Variants in CLDN1 observed in about 807,000 individuals in gnomAD.
CLDN1 encodes claudin 1, also known as claudin-1.
A neutral mutation model predicts 22.6 loss-of-function variants in CLDN1; 12 were observed. That is an observed-to-expected ratio of 0.53 (90% CI 0.34 to 0.86). The LOEUF (loss-of-function observed/expected upper bound fraction) is 0.86. Ranked by LOEUF, CLDN1 falls within the 40% of genes least tolerant of loss-of-function variation. The probability of loss-of-function intolerance (pLI) is 0.02; values close to 1 mark genes in which losing one functional copy is unlikely to be tolerated. For missense variants in CLDN1, 250 were observed against 269.5 expected (o/e 0.93, Z 0.51); for synonymous variants, 99 against 103.8 (o/e 0.95, Z 0.28).
In CLDN1 at chr3:190,308,137, G is replaced by T; in HGVS notation, c.*140C>A. The T allele has an allele frequency of 3.9e-6, 4 of 1,026,252 alleles. No individual in the cohort carries two copies. In the South Asian group the frequency reaches 3.9e-5, roughly 10 times the overall value. 63.6% of individuals were successfully genotyped at this position (1,026,252 alleles called of 1,614,324 possible). ...TAGCACTGAGTATTTTAACACATGG[G>T]TTTTTTGTTTGTTTGTTTGTTTTGT... On this transcript the variant is annotated 3_prime_UTR_variant, in exon 4 of 4. Transcript: ENST00000295522.
intron 2 of CLDN1, among the ~76,000 whole-genome samples, chr3:190,312,509 C>T (rs959596312): frequency 2.0e-5 from 3 of 152,194 alleles, no homozygotes; most frequent in Non-Finnish European, 4.4e-5. Context: ...CTTGTGTTTT[C>T]TCTCACTACT....
In CLDN1 at chr3:190,312,769, T is replaced by G. The variant is rs1716656963; in HGVS notation, c.388+103A>C. On this transcript the variant is annotated intron_variant, in intron 2 of 3. Coordinates refer to ENST00000295522, the MANE Select transcript of CLDN1 (RefSeq NM_021101.5). ...GGACTTCAGGTCTATGTTTGCAGTT[T>G]GCCTTAGAGACTGAAATCAAGTATA... The G allele has an allele frequency of 2.3e-6, 3 of 1,299,492 alleles. No individual in the cohort carries two copies. The African/African-American group carries it at 4.4e-5, about 19-fold the overall frequency. 80.5% of individuals were successfully genotyped at this position (1,299,492 alleles called of 1,614,324 possible).
intron 1 of CLDN1, chr3:190,313,274 C>A: frequency 1.9e-6 from 1 of 513,854 alleles, no homozygotes; most frequent in Admixed American, 3.5e-5. Context: ...TTTTATGTTT[C>A]CAACATTAAA....
intron 1 of CLDN1, among the ~76,000 whole-genome samples, chr3:190,319,946 C>T (rs1247668191): frequency 2.0e-5 from 3 of 152,160 alleles, no homozygotes; most frequent in Non-Finnish European, 4.4e-5. Flanking sequence ...AAGGGTCCCT[C>T]TTCTGAGAAT....
chr3:190,310,673 CAA>C (rs1373430147), intron 2 of CLDN1, among the ~76,000 whole-genome samples: 1 of 152,118 alleles, frequency 6.6e-6, no homozygotes, highest in Non-Finnish European at 1.5e-5. Flanking sequence ...TGATCAAACT[CAA>C]AATTTACATT....
chr3:190,310,325 C>G, intron 2 of CLDN1, 72 bp from the exon 3 acceptor site: 1 of 1,162,928 alleles, frequency 8.6e-7, no homozygotes, highest in Non-Finnish European at 1.3e-6. Flanking sequence ...CCTGTTAAAC[C>G]AAAACATATT....
intron 1 of CLDN1, among the ~76,000 whole-genome samples, chr3:190,314,938 G>C (rs1381875372): frequency 6.6e-6 from 1 of 152,040 alleles, no homozygotes; most frequent in African/African-American, 2.4e-5. Context: ...CATGTTCCAC[G>C]GACCACAGGT....
At chr3:190,316,933 A>C (rs1359725631) in intron 1 of CLDN1, among the ~76,000 whole-genome samples, 3 of 152,226 alleles carry the variant, frequency 2.0e-5, no homozygotes, top group African/African-American at 7.2e-5. Context: ...CTAGAAACTC[A>C]TGCAGATAAT....
rs576989981 is a variant in CLDN1 at position 190,307,186 on chromosome 3, A to G, written c.*1091T>C. 1 of 152,804 alleles carries G rather than the reference A, an allele frequency of 6.5e-6. No homozygotes were observed. The highest frequency in any genetic ancestry group is 2.1e-4 in the South Asian group (1 of 4,830). The allele number at this position is 152,804 out of a possible 1,614,324, so 9.5% of individuals were successfully genotyped here. A position where few individuals can be genotyped will look rare whatever the true frequency, so the allele number is the denominator to read the frequency against. On this transcript the variant is annotated 3_prime_UTR_variant, in exon 4 of 4. Transcript: ENST00000295522. ...GATTAAGTGACTTGCTTACAGCTAC[A>G]GAGAGAATATTTGTCACCAGATTAT...
rs193237150 is a variant in CLDN1, at chr3:190,306,469, C to T, written c.*1808G>A. The T allele has an allele frequency of 6.6e-6, 1 of 152,290 alleles. No homozygotes were observed. 9.4% of individuals were successfully genotyped at this position (152,290 alleles called of 1,614,324 possible). The stretch of plus-strand genomic sequence containing the variant: ...TCCTCAATTCTTTCCCTTAGTATAG[C>T]ACTTTTTAAATTACAAAACCACACT... On this transcript the variant is annotated 3_prime_UTR_variant, in exon 4 of 4. Transcript: ENST00000295522.
Position 190,322,015 on chromosome 3 carries a change from G to A in CLDN1, c.192C>T (p.Cys64=), listed in dbSNP as rs752054405. Residue 64 remains cysteine (C), a synonymous_variant, in exon 1 of 4, where the codon TGC becomes TGT. Transcript: ENST00000295522. ...CVSQSTGQIQ[C]KVFDSLLNLS... ...GATTCAGCAAGGAGTCAAAGACTTT[G>A]CACTGGATCTGCCCGGTGCTCTGCG... 2.5e-6 allele frequency: 4 copies of A among 1,614,206 alleles called. No homozygotes were observed. Among genetic ancestry groups the A allele is most frequent in the South Asian group, 2.2e-5 (2 of 91,090 alleles).
rs775914519 is a variant in CLDN1, at chr3:190,308,292, C to A, written c.621G>T (p.Gly207=). Residue 207 remains glycine (G), a synonymous_variant, in exon 4 of 4, where the codon GGG becomes GGT. Transcript: ENST00000295522. ...TGCCTCTGTGTCACACGTAGTCTTT[C>A]CCGCTGGAAGGTGCAGGTTTTGGAT... ...RPYPKPAPSS[G]KDYV 1 of 1,613,780 alleles carries A rather than the reference C, an allele frequency of 6.2e-7. No homozygotes were observed. The highest frequency in any genetic ancestry group is 8.5e-7 in the Non-Finnish European group (1 of 1,179,832).
intron 1 of CLDN1, 46 bp downstream of exon 1, chr3:190,321,938 G>T (rs564356032): frequency 6.8e-7 from 1 of 1,476,812 alleles, no homozygotes; most frequent in East Asian, 2.3e-5. Flanking sequence ...AGCTGCAGGG[G>T]GACTGGGGCC....
At chr3:190,312,824 TACCAGGA>T in intron 2 of CLDN1, 41 bp downstream of exon 2, 1 of 1,600,660 alleles carries the variant, frequency 6.2e-7, no homozygotes, top group East Asian at 2.2e-5. Context: ...TTTCAAATCA[TACCAGGA>T]ACAGGTTAGT....
intron 1 of CLDN1, among the ~76,000 whole-genome samples, chr3:190,318,726 G>C (rs144702612): frequency 1.3e-5 from 2 of 152,226 alleles, no homozygotes; most frequent in African/African-American, 4.8e-5. Context: ...ATGGCCCTTC[G>C]AGTACCCTCG....
In CLDN1 at chr3:190,308,159, T is replaced by C; in HGVS notation, c.*118A>G. 2 of 1,216,494 alleles carry C rather than the reference T, an allele frequency of 1.6e-6. No homozygotes were observed. Among genetic ancestry groups the C allele is most frequent in the South Asian group, 1.2e-5 (1 of 81,900 alleles). The allele number at this position is 1,216,494 out of a possible 1,614,324, so 75.4% of individuals were successfully genotyped here. The stretch of plus-strand genomic sequence containing the variant: ...TGGGTTTTTTGTTTGTTTGTTTGTT[T>C]TGTAATACCATACTTCAGATTACAA... On this transcript the variant is annotated 3_prime_UTR_variant, in exon 4 of 4. Transcript: ENST00000295522.
In CLDN1 at chr3:190,321,977, C is replaced by T. The variant is rs1367186403; in HGVS notation, c.223+7G>A. The stretch of plus-strand genomic sequence containing the variant: ...GGACGGCCGCTGTGAGGTGGGGGTG[C>T]ACTCACTGCTCAGATTCAGCAAGGA... On this transcript the variant is annotated splice_region_variant and intron_variant, in intron 1 of 3. Transcript: ENST00000295522. 3 of 1,611,804 alleles carry T rather than the reference C, an allele frequency of 1.9e-6. No homozygotes were observed. Among genetic ancestry groups the T allele is most frequent in the Admixed American group, 1.7e-5 (1 of 60,022 alleles).
intron 3 of CLDN1, 123 bp downstream of exon 3, chr3:190,310,046 T>G: frequency 1.3e-6 from 1 of 777,548 alleles, no homozygotes; most frequent in Non-Finnish European, 2.2e-6. Flanking sequence ...TTAAATTGTT[T>G]GTAGGTTTGA....
At chr3:190,312,344 G>A (rs1716646049) in intron 2 of CLDN1, among the ~76,000 whole-genome samples, 1 of 151,896 alleles carries the variant, frequency 6.6e-6, no homozygotes, top group East Asian at 1.9e-4. Context: ...CATTCCAACA[G>A]GCCACCTCTA....
Sources: gnomAD v4.1 joint callset for allele counts (sites outside exome capture counted in the v4.1 genomes callset) on GRCh38, gnomAD v4.1.1 for gene constraint, MANE v1.5 for transcripts, NCBI Gene and HGNC (gene_info 2026-07-23, HGNC 2026-07-21) for gene names.